The following CAMKK2 variants were observed in gnomAD, a reference collection of about 807,000 sequenced individuals.
CAMKK2 encodes the protein calcium/calmodulin-dependent protein kinase kinase 2.
A neutral mutation model predicts 67.2 loss-of-function variants in CAMKK2; 30 were observed. That is an observed-to-expected ratio of 0.45 (90% confidence interval 0.33 to 0.61). The LOEUF is 0.61. Ranked by LOEUF, CAMKK2 falls within the 20% of genes least tolerant of loss-of-function variation. CAMKK2 has a pLI of 0.02. For synonymous variants in CAMKK2, 322 were observed against 326.2 expected (o/e 0.99, Z 0.14); for missense variants, 643 against 802.0 (o/e 0.80, Z 2.39).
Position 121,245,997 on chromosome 12 carries a change from C to A in CAMKK2, c.1453-757G>T, listed in dbSNP as rs1055054918. Among the ~76,000 whole-genome samples the A allele has an allele frequency of 2.0e-5, 3 of 152,064 alleles. No homozygotes were observed. Among genetic ancestry groups the A allele is most frequent in the Admixed American group, 1.3e-4 (2 of 15,262 alleles). On this transcript the variant is annotated intron_variant, in intron 14 of 16. Transcript: ENST00000404169. This position sits in a 1 kb window ranked among gnomAD's most constrained non-coding sequence, Gnocchi z 5.8. ...AAACCTTCTCCTACGTCAAAGTAGC[C>A]AGGCCCGAAAGGCCTCAGAGTGTAG...
At chr12:121,293,314 A>T (rs1467087435) in intron 1 of CAMKK2, among the ~76,000 whole-genome samples, 3 of 152,098 alleles carry the variant, frequency 2.0e-5, no homozygotes, top group Non-Finnish European at 4.4e-5. Context: ...GCAATAAGCA[A>T]TATAAGACCC....
chr12:121,242,866 C>T (rs1181705001), intron 16 of CAMKK2, among the ~76,000 whole-genome samples: 3 of 152,206 alleles, frequency 2.0e-5, no homozygotes, highest in Non-Finnish European at 4.4e-5. Context: ...CCTCAGCCTC[C>T]CGAGTAGCTG....
chr12:121,258,268 C>A (rs533343821), intron 7 of CAMKK2, among the ~76,000 whole-genome samples: 6 of 152,168 alleles, frequency 3.9e-5, no homozygotes, highest in Non-Finnish European at 7.3e-5. Flanking sequence ...AGGGGATCCA[C>A]CTGCCTTGGC....
At chr12:121,258,928 C>T (rs527534597) in intron 7 of CAMKK2, among the ~76,000 whole-genome samples, 5 of 151,610 alleles carry the variant, frequency 3.3e-5, no homozygotes, top group Admixed American at 6.6e-5. Context: ...CTGCAACCTC[C>T]GCCTCTCAGG....
At chr12:121,272,622 G>C (rs1895986872) in intron 2 of CAMKK2, among the ~76,000 whole-genome samples, 1 of 151,748 alleles carries the variant, frequency 6.6e-6, no homozygotes, top group Non-Finnish European at 1.5e-5. Flanking sequence ...CAGCACTTTG[G>C]GAGGCTGAGG....
chr12:121,252,813 G>A, intron 10 of CAMKK2, 99 bp from the exon 11 acceptor site: 2 of 1,234,956 alleles, frequency 1.6e-6, no homozygotes, highest in Non-Finnish European at 2.3e-6. Context: ...TTCAGCCCTT[G>A]GAGTTGGGGC....
chr12:121,247,989 A>G (rs1486426547), intron 14 of CAMKK2, among the ~76,000 whole-genome samples: 4 of 152,046 alleles, frequency 2.6e-5, no homozygotes, highest in Non-Finnish European at 5.9e-5. Flanking sequence ...TCTCTCTTGG[A>G]GCTAACTGCC....
At chr12:121,282,841 G>A (rs1178182285) in intron 1 of CAMKK2, among the ~76,000 whole-genome samples, 7 of 151,902 alleles carry the variant, frequency 4.6e-5, no homozygotes, top group Admixed American at 1.3e-4. Context: ...TGCAACCTCC[G>A]CCTCCCAAGT....
In CAMKK2 at chr12:121,245,550, G is replaced by C. The variant is rs1193759782; in HGVS notation, c.1453-310C>G. On this transcript the variant is annotated intron_variant, in intron 14 of 16. Coordinates refer to ENST00000404169, the MANE Select transcript of CAMKK2 (RefSeq NM_001270485.2). This position sits in a 1 kb window ranked among gnomAD's most constrained non-coding sequence, Gnocchi z 5.8. ...CCCAGATCTGGTCCCCTCACTCCCT[G>C]ACTCAGCATCCCCACCCAGAGGGGT... Among the ~76,000 whole-genome samples the C allele has an allele frequency of 6.6e-6, 1 of 152,064 alleles. No individual in the cohort carries two copies.
chr12:121,267,790 G>A (rs561165618), intron 5 of CAMKK2, among the ~76,000 whole-genome samples: 13 of 151,868 alleles, frequency 8.6e-5, no homozygotes, highest in South Asian at 8.3e-4. Flanking sequence ...CACCGTGCCC[G>A]GCCAACTGCA....
At chr12:121,257,512 T>A (rs370851071) in intron 7 of CAMKK2, among the ~76,000 whole-genome samples, 136 of 152,242 alleles carry the variant, frequency 8.9e-4, no homozygotes, top group African/African-American at 3.2e-3. Flanking sequence ...CCTCCCAAAG[T>A]GCTGGGGTTA....
chr12:121,268,613 A>T (rs199802226), intron 5 of CAMKK2, 25 bp downstream of exon 5: 83 of 1,612,376 alleles, frequency 5.1e-5, no homozygotes, highest in Non-Finnish European at 7.0e-5. Context: ...CCCTGTACCT[A>T]ACAACAAAGG....
intron 14 of CAMKK2, among the ~76,000 whole-genome samples, chr12:121,246,017 G>A (rs1353731880): frequency 6.6e-6 from 1 of 152,126 alleles, no homozygotes; most frequent in African/African-American, 2.4e-5. Context: ...AGGCCTCAGA[G>A]TGTAGGATTC....
At chr12:121,243,019 G>C (rs557670809) in intron 16 of CAMKK2, among the ~76,000 whole-genome samples, 1 of 151,886 alleles carries the variant, frequency 6.6e-6, no homozygotes, top group South Asian at 2.1e-4. Flanking sequence ...TGGGATTACA[G>C]GCGTGAGCCA....
chr12:121,244,392 G>A (rs1000383285), intron 16 of CAMKK2, among the ~76,000 whole-genome samples, 181 bp downstream of exon 16: 2 of 152,246 alleles, frequency 1.3e-5, no homozygotes, highest in Non-Finnish European at 2.9e-5. Flanking sequence ...CCACCATTGG[G>A]TCCAAGCCCC....
chr12:121,296,607 C>G lies in CAMKK2; in HGVS notation c.-60+31G>C, dbSNP rs1901287465. On this transcript the variant is annotated intron_variant, in intron 1 of 16. Transcript: ENST00000404169. The surrounding 1 kb of genome is among the most constrained non-coding windows in gnomAD (Gnocchi z 7.1). The stretch of plus-strand genomic sequence containing the variant: ...GCCCGGGGCCGCGGCGGCTGCGTCC[C>G]TTGCCCCGGGCCCGGCTACCGCCAG... 1 of 151,636 alleles carries G rather than the reference C, an allele frequency of 6.6e-6. No individual in the cohort carries two copies. Among genetic ancestry groups the G allele is most frequent in the Non-Finnish European group, 1.5e-5 (1 of 67,856 alleles). The allele number at this position is 151,636 out of a possible 1,614,324, so 9.4% of individuals were successfully genotyped here. A position where few individuals can be genotyped will look rare whatever the true frequency, so the allele number is the denominator to read the frequency against.
intron 3 of CAMKK2, chr12:121,269,880 C>A (rs1895382795): frequency 3.9e-6 from 1 of 253,624 alleles, no homozygotes; most frequent in Non-Finnish European, 7.6e-6. Context: ...GAAACCGCGT[C>A]TCTACTAAAA....
At chr12:121,250,585 C>G (rs1890506894) in intron 11 of CAMKK2, among the ~76,000 whole-genome samples, 1 of 152,082 alleles carries the variant, frequency 6.6e-6, no homozygotes, top group African/African-American at 2.4e-5. Context: ...TTCCTGAAGC[C>G]CTGTCTAAAA....
At position 121,245,855 on chromosome 12, in the gene CAMKK2, C is replaced by T. The variant is rs1889336001; in HGVS notation, c.1453-615G>A. Among the ~76,000 whole-genome samples the T allele has an allele frequency of 6.6e-6, 1 of 152,198 alleles. No individual in the cohort carries two copies. The highest frequency in any genetic ancestry group is 2.1e-4 in the South Asian group (1 of 4,832). On this transcript the variant is annotated intron_variant, in intron 14 of 16. Coordinates refer to ENST00000404169, the MANE Select transcript of CAMKK2 (RefSeq NM_001270485.2). This position sits in a 1 kb window ranked among gnomAD's most constrained non-coding sequence, Gnocchi z 5.8. ...ACTGATTTACCAAAAGATGCAAACACCCAAATGCCCATCAACTGAAGAAGA... is the reference window on the plus strand; with the variant it reads ...ACTGATTTACCAAAAGATGCAAACATCCAAATGCCCATCAACTGAAGAAGA...
Sources: allele counts gnomAD v4.1 joint callset (sites outside exome capture counted in the v4.1 genomes callset), GRCh38; gene constraint gnomAD v4.1.1; non-coding constraint Gnocchi (gnomAD v3.1); transcripts MANE v1.5; gene names NCBI Gene and HGNC (gene_info 2026-07-23, HGNC 2026-07-21).